Variants in SNTG1 observed in about 807,000 individuals in gnomAD.
The protein encoded by SNTG1 is syntrophin gamma 1.
Under a neutral mutation model 74.7 loss-of-function variants are expected in SNTG1, and 39 were observed. That is an observed-to-expected ratio of 0.52 (90% CI 0.40 to 0.68). The LOEUF (loss-of-function observed/expected upper bound fraction) is 0.68, where lower values mean the gene tolerates loss of function less well. Ranked by LOEUF, SNTG1 falls within the 30% of genes least tolerant of loss-of-function variation. The pLI, the probability that SNTG1 is intolerant of heterozygous loss-of-function variation, is 0.00. For synonymous variants in SNTG1, 254 were observed against 217.1 expected, an observed-to-expected ratio of 1.17 and a Z score of -1.49; for missense variants, 685 against 609.5, an observed-to-expected ratio of 1.12 and a Z score of -1.30.
chr8:50,579,383 C>T (rs1020784983), intron 12 of SNTG1, among the ~76,000 whole-genome samples: 2 of 152,070 alleles, frequency 1.3e-5, no homozygotes, highest in Non-Finnish European at 2.9e-5. Context: ...AAAAGAGAAC[C>T]CCGTTTTCTA....
chr8:50,734,960 T>TCC (rs1330843325), intron 17 of SNTG1, among the ~76,000 whole-genome samples: 2 of 60,962 alleles, frequency 3.3e-5, no homozygotes, highest in South Asian at 7.3e-4. Flanking sequence ...TATATATCTA[T>TCC]ATATCCATAT....
chr8:50,725,528 G>A (rs1411080506), intron 17 of SNTG1, among the ~76,000 whole-genome samples: 1 of 152,026 alleles, frequency 6.6e-6, no homozygotes, highest in East Asian at 1.9e-4. Flanking sequence ...CAAGCATTCA[G>A]GTTACTGCTT....
At chr8:50,726,785 C>T (rs1276063825) in intron 17 of SNTG1, among the ~76,000 whole-genome samples, 1 of 152,030 alleles carries the variant, frequency 6.6e-6, no homozygotes, top group African/African-American at 2.4e-5. Flanking sequence ...GGAGGTGGAG[C>T]TTGCAGTGAG....
intron 2 of SNTG1, among the ~76,000 whole-genome samples, chr8:50,368,227 G>T (rs765203552): frequency 1.3e-5 from 2 of 152,112 alleles, no homozygotes. Context: ...TTATATAGTG[G>T]CAAATATCTT....
At chr8:50,007,007 GC>G (rs1815303571) in intron 1 of SNTG1, among the ~76,000 whole-genome samples, 1 of 152,100 alleles carries the variant, frequency 6.6e-6, no homozygotes, top group African/African-American at 2.4e-5. Flanking sequence ...TGTAGCAGTT[GC>G]CCCTGCTGCT....
chr8:50,467,733 C>T (rs1447926656), intron 8 of SNTG1, among the ~76,000 whole-genome samples: 2 of 151,792 alleles, frequency 1.3e-5, no homozygotes, highest in Non-Finnish European at 2.9e-5. Flanking sequence ...GAGCTTAGAT[C>T]ATTGATTTTA....
chr8:50,458,182 AG>A (rs935997690), intron 8 of SNTG1: 23 of 132,062 alleles, frequency 1.7e-4, no homozygotes, highest in African/African-American at 6.0e-4. Flanking sequence ...ACCACATCAA[AG>A]GCAGAAGCTA....
At chr8:50,314,163 G>A (rs2090225752) in intron 2 of SNTG1, among the ~76,000 whole-genome samples, 2 of 149,458 alleles carry the variant, frequency 1.3e-5, no homozygotes, top group Admixed American at 6.8e-5. Flanking sequence ...AAACTGAGGT[G>A]AGCATTCTGA....
chr8:50,432,770 T>C (rs962214522), intron 4 of SNTG1, among the ~76,000 whole-genome samples: 3 of 151,876 alleles, frequency 2.0e-5, no homozygotes, highest in African/African-American at 7.2e-5. Flanking sequence ...ATTTTTTATT[T>C]ACATTTTATT....
intron 4 of SNTG1, among the ~76,000 whole-genome samples, chr8:50,426,179 C>T: frequency 6.6e-6 from 1 of 152,070 alleles, no homozygotes; most frequent in South Asian, 2.1e-4. Context: ...TCTTAGTTTT[C>T]ATCGATAGTC....
chr8:50,504,900 A>G (rs2093993509), intron 9 of SNTG1, among the ~76,000 whole-genome samples: 1 of 152,238 alleles, frequency 6.6e-6, no homozygotes, highest in Admixed American at 6.5e-5. Context: ...TCAGAAGAGT[A>G]GCCTTAAGTC....
At chr8:50,508,736 C>A (rs900790202) in intron 9 of SNTG1, among the ~76,000 whole-genome samples, 4 of 152,042 alleles carry the variant, frequency 2.6e-5, no homozygotes, top group African/African-American at 9.7e-5. Context: ...AAGTATCTGT[C>A]CATATCTTTC....
chr8:50,432,462 C>A (rs934045294), intron 4 of SNTG1, among the ~76,000 whole-genome samples: 1 of 151,970 alleles, frequency 6.6e-6, no homozygotes, highest in East Asian at 1.9e-4. Flanking sequence ...AGTCCTCCAA[C>A]TTTATTCTTC....
At chr8:50,245,803 G>T (rs2086373811) in intron 2 of SNTG1, among the ~76,000 whole-genome samples, 1 of 152,108 alleles carries the variant, frequency 6.6e-6, no homozygotes, top group Non-Finnish European at 1.5e-5. Context: ...TTTCTTATAT[G>T]TCAGTCGTAA....
At chr8:50,775,915 A>G (rs1164395037) in intron 18 of SNTG1, among the ~76,000 whole-genome samples, 1 of 150,664 alleles carries the variant, frequency 6.6e-6, no homozygotes, top group South Asian at 2.1e-4. Flanking sequence ...AGCTCATCTA[A>G]TGCTAATATA....
intron 18 of SNTG1, chr8:50,762,905 C>G (rs1295245298): frequency 3.5e-6 from 1 of 281,798 alleles, no homozygotes. Context: ...CTCCTACCAG[C>G]AGCATTGGGG....
chr8:50,090,036 G>C (rs1258065615), intron 1 of SNTG1, among the ~76,000 whole-genome samples: 1 of 152,308 alleles, frequency 6.6e-6, no homozygotes, highest in Admixed American at 6.5e-5. Flanking sequence ...CCAGGGCTAG[G>C]GCCGTAAGAG....
intron 3 of SNTG1, among the ~76,000 whole-genome samples, chr8:50,395,542 C>T (rs28395274): frequency 0.014 from 1,949 of 141,228 alleles, 46 homozygotes; most frequent in African/African-American, 0.046. Flanking sequence ...CTCACTCTGT[C>T]GCCCAGGCTG....
chr8:50,346,224 C>T (rs536162187), intron 2 of SNTG1, among the ~76,000 whole-genome samples: 30 of 152,308 alleles, frequency 2.0e-4, no homozygotes, highest in African/African-American at 7.0e-4. Flanking sequence ...ACCATTTTCC[C>T]AACAGCATGT....
Sources: gnomAD v4.1 joint callset for allele counts (sites outside exome capture counted in the v4.1 genomes callset) on GRCh38, gnomAD v4.1.1 for gene constraint, MANE v1.5 for transcripts, NCBI Gene and HGNC (gene_info 2026-07-23, HGNC 2026-07-21) for gene names.